Variants in CALCR observed in about 807,000 individuals in gnomAD.
The protein encoded by CALCR is calcitonin receptor.
CALCR carries 47 observed loss-of-function variants against 59.5 expected under a neutral mutation model. The observed-to-expected ratio is 0.79, with a 90% CI of 0.63 to 1.01. The LOEUF (loss-of-function observed/expected upper bound fraction) is 1.01. Ranked by LOEUF, CALCR falls within the 50% of genes least tolerant of loss-of-function variation. CALCR has a pLI of 0.00. For missense variants in CALCR, 566 were observed against 597.1 expected (o/e 0.95, Z 0.54); for synonymous variants, 213 against 211.3 (o/e 1.01, Z -0.07).
At chr7:93,446,634 G>C (rs949685895) in intron 8 of CALCR, among the ~76,000 whole-genome samples, 1 of 151,926 alleles carries the variant, frequency 6.6e-6, no homozygotes, top group Non-Finnish European at 1.5e-5. Flanking sequence ...TTTCTGTCAA[G>C]GGTGGAGTAA....
intron 2 of CALCR, among the ~76,000 whole-genome samples, chr7:93,544,075 T>A (rs1789217948): frequency 6.6e-6 from 1 of 152,028 alleles, no homozygotes; most frequent in Non-Finnish European, 1.5e-5. Flanking sequence ...TCATGACAAT[T>A]ATGACCATAA....
At chr7:93,538,409 T>G (rs1005663471) in intron 2 of CALCR, among the ~76,000 whole-genome samples, 2 of 152,092 alleles carry the variant, frequency 1.3e-5, no homozygotes, top group Non-Finnish European at 2.9e-5. Context: ...TTATTCTTCT[T>G]CCACCTTCAG....
rs1350695191 is a variant in CALCR at position 93,432,109 on chromosome 7, TA to T, written c.1191+2143del. Among the ~76,000 whole-genome samples the T allele has an allele frequency of 1.5e-4, 23 of 152,330 alleles. 1 individual carries two copies. Among genetic ancestry groups the T allele is most frequent in the African/African-American group, 5.3e-4 (22 of 41,570 alleles). On this transcript the variant is annotated intron_variant, in intron 13 of 13. Coordinates refer to ENST00000426151, the MANE Select transcript of CALCR (RefSeq NM_001742.4). ...CTAGTCTACCCACTGACTCTCTATA[TA>T]ATTCATTTTCATAATGATCATTTCA...
At chr7:93,534,954 T>C (rs1424708371) in intron 2 of CALCR, among the ~76,000 whole-genome samples, 2 of 151,772 alleles carry the variant, frequency 1.3e-5, no homozygotes, top group East Asian at 1.9e-4. Flanking sequence ...AGACTGACTC[T>C]TACCTTCATC....
intron 2 of CALCR, among the ~76,000 whole-genome samples, chr7:93,492,162 A>G (rs983865944): frequency 5.3e-5 from 8 of 151,418 alleles, no homozygotes; most frequent in Non-Finnish European, 8.9e-5. Context: ...ACCAAACACC[A>G]CATGTTCTCA....
intron 2 of CALCR, among the ~76,000 whole-genome samples, chr7:93,552,426 A>G (rs1449109170): frequency 6.6e-6 from 1 of 152,194 alleles, no homozygotes; most frequent in Non-Finnish European, 1.5e-5. Context: ...TAAGTCATTT[A>G]AAGCTAAGAT....
chr7:93,468,596 G>T, intron 7 of CALCR, 119 bp downstream of exon 7: 1 of 606,554 alleles, frequency 1.6e-6, no homozygotes, highest in East Asian at 2.9e-5. Flanking sequence ...GACTCCTAAT[G>T]TTGCATGTCG....
At chr7:93,573,771 G>A (rs1316097377) in intron 2 of CALCR, among the ~76,000 whole-genome samples, 1 of 152,206 alleles carries the variant, frequency 6.6e-6, no homozygotes, top group Non-Finnish European at 1.5e-5. Context: ...TAGGTGTGAA[G>A]AATGGCTGCT....
At chr7:93,532,358 A>G (rs950409012) in intron 2 of CALCR, among the ~76,000 whole-genome samples, 1 of 152,042 alleles carries the variant, frequency 6.6e-6, no homozygotes, top group African/African-American at 2.4e-5. Flanking sequence ...AGTCTTTTCT[A>G]CTGTCTTCTG....
At chr7:93,535,052 T>C (rs757509364) in intron 2 of CALCR, among the ~76,000 whole-genome samples, 9 of 151,724 alleles carry the variant, frequency 5.9e-5, no homozygotes, top group Non-Finnish European at 8.9e-5. Flanking sequence ...ATGCTAATCT[T>C]CCCAGCTCAG....
chr7:93,458,197 T>C (rs1312542794), intron 8 of CALCR, among the ~76,000 whole-genome samples: 1 of 152,144 alleles, frequency 6.6e-6, no homozygotes, highest in East Asian at 1.9e-4. Flanking sequence ...TCTCTCTGCA[T>C]ATATTCATAC....
intron 13 of CALCR, among the ~76,000 whole-genome samples, chr7:93,431,548 G>A (rs548849944): frequency 1.3e-5 from 2 of 152,204 alleles, no homozygotes; most frequent in Non-Finnish European, 2.9e-5. Flanking sequence ...GGGAACCAGC[G>A]TGAACTTCAA....
At chr7:93,550,227 C>T (rs371938663) in intron 2 of CALCR, among the ~76,000 whole-genome samples, 47 of 152,072 alleles carry the variant, frequency 3.1e-4, no homozygotes, top group South Asian at 2.7e-3. Flanking sequence ...TGGTGGCTCA[C>T]GCCTGTAATC....
Position 93,472,462 on chromosome 7 carries a change from T to G in CALCR, c.342A>C (p.Glu114Asp). ...CAGGATGTTTAAACCAAACACCTTT[T>G]TCATCACAGTATTTTGTAACCTTTT... ...PSEKVTKYCD[E>D]KGVWFKHPEN... Residue 114 changes from glutamate (E) to aspartate (D), a missense_variant, in exon 6 of 14, where the codon GAA becomes GAC. Transcript: ENST00000426151. 6.2e-7 allele frequency: 1 copy of G among 1,606,380 alleles called. No individual in the cohort carries two copies.
intron 11 of CALCR, among the ~76,000 whole-genome samples, chr7:93,437,438 T>C (rs1584535880): frequency 6.6e-6 from 1 of 152,298 alleles, no homozygotes; most frequent in African/African-American, 2.4e-5. Flanking sequence ...TGAAAGATTA[T>C]TTAATCTAAC....
intron 8 of CALCR, among the ~76,000 whole-genome samples, chr7:93,454,376 A>C (rs1429550282): frequency 6.6e-6 from 1 of 152,050 alleles, no homozygotes; most frequent in Non-Finnish European, 1.5e-5. Flanking sequence ...CTTATATAAG[A>C]GGCTATAGAA....
intron 5 of CALCR, among the ~76,000 whole-genome samples, chr7:93,474,074 C>A (rs546647307): frequency 3.1e-4 from 47 of 151,596 alleles, no homozygotes; most frequent in African/African-American, 1.0e-3. Context: ...TAAAATATAC[C>A]AGACCCTACA....
At chr7:93,499,858 A>G (rs1039449643) in intron 2 of CALCR, among the ~76,000 whole-genome samples, 1 of 151,930 alleles carries the variant, frequency 6.6e-6, no homozygotes, top group Non-Finnish European at 1.5e-5. Context: ...AGTCAATGCC[A>G]CATACATACG....
At chr7:93,562,648 C>T (rs1212734927) in intron 2 of CALCR, among the ~76,000 whole-genome samples, 1 of 152,152 alleles carries the variant, frequency 6.6e-6, no homozygotes, top group Non-Finnish European at 1.5e-5. Context: ...ATCTGGAACC[C>T]AACCCTTTCT....
Sources: gnomAD v4.1 joint callset for allele counts (sites outside exome capture counted in the v4.1 genomes callset) on GRCh38, gnomAD v4.1.1 for gene constraint, MANE v1.5 for transcripts, NCBI Gene and HGNC (gene_info 2026-07-23, HGNC 2026-07-21) for gene names.